Variants in SBF1 observed in about 807,000 individuals in gnomAD.
SBF1 encodes SET binding factor 1, also known as myotubularin-related protein 5.
Under a neutral mutation model 215.8 loss-of-function variants are expected in SBF1, and 65 were observed. The observed-to-expected ratio is 0.30, with a 90% CI of 0.25 to 0.37. The LOEUF (loss-of-function observed/expected upper bound fraction) is 0.37. Ranked by LOEUF, SBF1 falls within the 10% of genes least tolerant of loss-of-function variation. The pLI is 1.00. For missense variants in SBF1, 2,634 were observed against 2,667.8 expected, an observed-to-expected ratio of 0.99 and a Z score of 0.28; for synonymous variants, 1,410 against 1,122.8, an observed-to-expected ratio of 1.26 and a Z score of -5.11.
At position 50,466,800 on chromosome 22, in the gene SBF1, T is replaced by A. The variant is rs567724398; in HGVS notation, c.550-90A>T. On this transcript the variant is annotated intron_variant, in intron 5 of 40. Transcript: ENST00000380817. The stretch of plus-strand genomic sequence containing the variant: ...CTCTGTGTCCCCAGGCAGACCCTGG[T>A]GTACTGACAGACCCGAGGTGGGACT... 33 of 898,382 alleles carry A rather than the reference T, an allele frequency of 3.7e-5. No homozygotes were observed. The African/African-American group carries it at 5.4e-4, about 15-fold the overall frequency. 55.7% of individuals were successfully genotyped at this position (898,382 alleles called of 1,614,324 possible). A position where few individuals can be genotyped will look rare whatever the true frequency, so the allele number is the denominator to read the frequency against.
rs969604717 is a variant in SBF1, at chr22:50,455,426, G to A, written c.4369-17C>T. The A allele has an allele frequency of 1.9e-6, 3 of 1,612,188 alleles. No homozygotes were observed. The highest frequency in any genetic ancestry group is 2.7e-5 in the African/African-American group (2 of 74,994). ...GGATACCACCTGCCAGCACCGCCAGGAGGTCAGCGAGGAGCCCGGGAGCCT... is the reference window on the plus strand; with the variant it reads ...GGATACCACCTGCCAGCACCGCCAGAAGGTCAGCGAGGAGCCCGGGAGCCT... On this transcript the variant is annotated splice_polypyrimidine_tract_variant and intron_variant, in intron 32 of 40. Transcript: ENST00000380817.
rs749154070 is a variant in SBF1 at position 50,454,680 on chromosome 22, C to T, written c.4875G>A (p.Thr1625=). The change falls in exon 36 of 41, where the codon ACG becomes ACA. Residue 1625 remains threonine (T), a synonymous_variant. Coordinates refer to ENST00000380817, the MANE Select transcript of SBF1 (RefSeq NM_002972.4). ...AGTCATAGGGAGGGCCCTCGGCCAG[C>T]GTCTCCTCAGTGTAGAAGTCCCACA... ...LKVWDFYTEE[T]LAEGPPYDWE... 8.3e-6 allele frequency: 13 copies of T among 1,573,780 alleles called. No homozygotes were observed. The highest frequency in any genetic ancestry group is 8.6e-6 in the Non-Finnish European group (10 of 1,160,898).
chr22:50,448,036 C>T (rs1603430264), intron 38 of SBF1, among the ~76,000 whole-genome samples, 197 bp downstream of exon 38: 1 of 152,198 alleles, frequency 6.6e-6, no homozygotes, highest in African/African-American at 2.4e-5. Flanking sequence ...CCACTGCCCT[C>T]TCTCTACTCC....
intron 1 of SBF1, among the ~76,000 whole-genome samples, chr22:50,473,349 G>A (rs2068059713): frequency 6.6e-6 from 1 of 152,146 alleles, no homozygotes; most frequent in South Asian, 2.1e-4. Context: ...AGGTGGTAAG[G>A]CCTCCTCCAT....
At chr22:50,459,788 C>A (rs2067422080) in intron 26 of SBF1, 122 bp from the exon 27 acceptor site, 6 of 1,334,712 alleles carry the variant, frequency 4.5e-6, no homozygotes, top group South Asian at 4.2e-5. Flanking sequence ...AGCTCAGCCA[C>A]GGGGCCCCCC....
chr22:50,461,330 G>GCC (rs755495219), intron 22 of SBF1, 44 bp from the exon 23 acceptor site: 10 of 1,549,128 alleles, frequency 6.5e-6, no homozygotes, highest in Admixed American at 1.8e-5. Context: ...AAGGTAAGGG[G>GCC]GGGGGGGTCC....
intron 38 of SBF1, 81 bp downstream of exon 38, chr22:50,448,152 A>C (rs2066908852): frequency 4.9e-6 from 7 of 1,415,306 alleles, no homozygotes; most frequent in South Asian, 3.6e-5. Flanking sequence ...AAGCACCCGC[A>C]ATCTCCCACC....
Position 50,461,984 on chromosome 22 carries a change from G to T in SBF1, c.2532C>A (p.Thr844=). ...CATGCAGCCCCTTGAGGTGGTCGCT[G>T]GTGACCCCACTCTCCGTGCAGACCT... ...VDKVCTESGV[T]SDHLKGLHVM... The change falls in exon 20 of 41, where the codon ACC becomes ACA. Residue 844 remains threonine (T), a synonymous_variant. Coordinates refer to ENST00000380817, the MANE Select transcript of SBF1 (RefSeq NM_002972.4). 1 of 1,614,224 alleles carries T rather than the reference G, an allele frequency of 6.2e-7. No homozygotes were observed. The highest frequency in any genetic ancestry group is 8.5e-7 in the Non-Finnish European group (1 of 1,180,042).
chr22:50,465,240 G>T lies in SBF1; in HGVS notation c.1178C>A (p.Pro393Gln), dbSNP rs752751209. 1 of 1,612,344 alleles carries T rather than the reference G, an allele frequency of 6.2e-7. No homozygotes were observed. ...CTTATGGAAGCGGATGACAGGCTCC[G>T]GGTGGATGCGCACGACGTGCAGGCA... Reference protein sequence around the residue: ...RWCLHVVRIHPEPVIRFHKAA... With the variant: ...RWCLHVVRIHQEPVIRFHKAA... Residue 393 changes from proline to glutamine, a missense_variant, in exon 11 of 41, where the codon CCG becomes CAG. Coordinates refer to ENST00000380817, the MANE Select transcript of SBF1 (RefSeq NM_002972.4).
rs778815957 is a variant in SBF1, at chr22:50,447,160, G to A, written c.5664C>T (p.Ser1888=). 2.5e-6 allele frequency: 4 copies of A among 1,612,824 alleles called. No individual in the cohort carries two copies. Among genetic ancestry groups the A allele is most frequent in the African/African-American group, 1.3e-5 (1 of 75,058 alleles). Residue 1888 remains serine, a synonymous_variant, in exon 41 of 41, where the codon AGC becomes AGT. Coordinates refer to ENST00000380817, the MANE Select transcript of SBF1 (RefSeq NM_002972.4). ...GGGAGGCTCAGGCGTCCGACAGGCA[G>A]CTCTGGATCCGGTCCACCCACTGCT... ...SAQQWVDRIQ[S]CLSDA
Position 50,464,553 on chromosome 22 carries a change from C to T in SBF1, c.1617G>A (p.Val539=), listed in dbSNP as rs763433550. The T allele has an allele frequency of 1.3e-5, 21 of 1,611,150 alleles. No individual in the cohort carries two copies. In the Middle Eastern group the frequency reaches 6.6e-4, roughly 51 times the overall value. Residue 539 remains valine, a synonymous_variant, in exon 14 of 41, where the codon GTG becomes GTA. Transcript: ENST00000380817. ...PAVKAERRTT[V]PSGPPMTAIL... is the part of the protein sequence containing the mutation. ...ACGCACTCATGGGGGGCCCTGAGGGCACGGTGGTCCTCCTCTCGGCCTTCA... is the reference window on the plus strand; with the variant it reads ...ACGCACTCATGGGGGGCCCTGAGGGTACGGTGGTCCTCCTCTCGGCCTTCA...
In SBF1 at chr22:50,446,912, C is replaced by T. The variant is rs367822911; in HGVS notation, c.*230G>A. On this transcript the variant is annotated 3_prime_UTR_variant, in exon 41 of 41. Transcript: ENST00000380817. Reference sequence around the variant, plus strand: ...GGCCGGACTATTTACAGGCCCATTGCGGGCTGTACCTTGGCCACCTCCCGG... The same window carrying T: ...GGCCGGACTATTTACAGGCCCATTGTGGGCTGTACCTTGGCCACCTCCCGG... 6.9e-5 allele frequency: 50 copies of T among 728,246 alleles called. No homozygotes were observed. The highest frequency in any genetic ancestry group is 2.0e-4 in the East Asian group (8 of 39,356). 45.1% of individuals were successfully genotyped at this position (728,246 alleles called of 1,614,324 possible).
rs568727727 is a variant in SBF1, at chr22:50,466,219, C to T, written c.828G>A (p.Glu276=). Residue 276 remains glutamate (E), a synonymous_variant, in exon 8 of 41, where the codon GAG becomes GAA. Coordinates refer to ENST00000380817, the MANE Select transcript of SBF1 (RefSeq NM_002972.4). ...TGAAGGGCGTGGGTGTGCTGAGGACCTCCAGCAGCTGAGCCGGCAGGATGG... is the reference window on the plus strand; with the variant it reads ...TGAAGGGCGTGGGTGTGCTGAGGACTTCCAGCAGCTGAGCCGGCAGGATGG... The part of the protein sequence containing the change: ...YVPILPAQLL[E]VLSTPTPFII... 13 of 1,613,502 alleles carry T rather than the reference C, an allele frequency of 8.1e-6. No homozygotes were observed. In the East Asian group the frequency reaches 2.7e-4, roughly 33 times the overall value.
In SBF1 at chr22:50,448,322, A is replaced by G. The variant is rs778532538; in HGVS notation, c.5274T>C (p.Ser1758=). The G allele has an allele frequency of 2.4e-5, 38 of 1,613,668 alleles. No homozygotes were observed. The highest frequency in any genetic ancestry group is 8.3e-5 in the Admixed American group (5 of 60,018). The change falls in exon 38 of 41, where the codon AGT becomes AGC. Residue 1758 remains serine, a synonymous_variant. Transcript: ENST00000380817. ...LSLSLDSDQS[S]GSTTSGSRQA... is the part of the protein sequence containing the mutation. ...GACGGGAGCCGGATGTGGTTGAGCC[A>G]CTACTCTGGTCGCTGTCCAGGCTGA...
chr22:50,474,424 C>T (rs2068101262), intron 1 of SBF1, among the ~76,000 whole-genome samples: 1 of 152,214 alleles, frequency 6.6e-6, no homozygotes, highest in African/African-American at 2.4e-5. Flanking sequence ...GAGAGCCCGT[C>T]CCACCCCAAG....
chr22:50,464,268 C>A, intron 15 of SBF1, 61 bp downstream of exon 15: 1 of 1,370,822 alleles, frequency 7.3e-7, no homozygotes, highest in Non-Finnish European at 1.0e-6. Context: ...GGGTGAAGTG[C>A]AGCCTGGGTC....
In SBF1 at chr22:50,449,625, A is replaced by ACACACAC. The variant is rs1556417419; in HGVS notation, c.5044-976_5044-975insGTGTGTG. On this transcript the variant is annotated intron_variant, in intron 36 of 40. Coordinates refer to ENST00000380817, the MANE Select transcript of SBF1 (RefSeq NM_002972.4). ...GTGAGATTCTGTCTCAAAACACACAAACACACACACACACACACACACACA... is the reference window on the plus strand; with the variant it reads ...GTGAGATTCTGTCTCAAAACACACAACACACACACACACACACACACACACACACACA... Among the ~76,000 whole-genome samples, 520 of 146,952 alleles carry ACACACAC rather than the reference A, an allele frequency of 3.5e-3. 2 individuals carry two copies. Among genetic ancestry groups the ACACACAC allele is most frequent in the Non-Finnish European group, 5.6e-3 (377 of 66,830 alleles).
At chr22:50,473,065 A>G (rs2068050985) in intron 1 of SBF1, among the ~76,000 whole-genome samples, 1 of 152,158 alleles carries the variant, frequency 6.6e-6, no homozygotes, top group Non-Finnish European at 1.5e-5. Context: ...TCCAGCAGTG[A>G]GCACACACGT....
At position 50,459,726 on chromosome 22, in the gene SBF1, C is replaced by T. The variant is rs1434866381; in HGVS notation, c.3492-60G>A. On this transcript the variant is annotated intron_variant, in intron 26 of 40. Coordinates refer to ENST00000380817, the MANE Select transcript of SBF1 (RefSeq NM_002972.4). ...ACCCCACCCGCCTCCAGGCTCACGC[C>T]CCAAGCAGGGCAAGAGGAGCCAGCC... 3 of 1,506,596 alleles carry T rather than the reference C, an allele frequency of 2.0e-6. No homozygotes were observed. In the African/African-American group the frequency reaches 4.2e-5, roughly 21 times the overall value. 93.3% of individuals were successfully genotyped at this position (1,506,596 alleles called of 1,614,324 possible).
Sources: allele counts gnomAD v4.1 joint callset (sites outside exome capture counted in the v4.1 genomes callset), GRCh38; gene constraint gnomAD v4.1.1; transcripts MANE v1.5; gene names NCBI Gene and HGNC (gene_info 2026-07-23, HGNC 2026-07-21).